The following KCNH1 variants were observed in gnomAD, a reference collection of about 807,000 sequenced individuals.
KCNH1 encodes voltage-gated delayed rectifier potassium channel KCNH1.
Under a neutral mutation model 69.2 loss-of-function variants are expected in KCNH1, and 27 were observed. The observed-to-expected ratio is 0.39, with a 90% CI of 0.29 to 0.54. The LOEUF is 0.54. KCNH1 is among the 20% of genes least tolerant of loss of function. The probability of loss-of-function intolerance (pLI) is 0.68; values close to 1 mark genes in which losing one functional copy is unlikely to be tolerated. For synonymous variants in KCNH1, 456 were observed against 487.7 expected (o/e 0.93, Z 0.86); for missense variants, 798 against 1,261.6 (o/e 0.63, Z 5.57).
chr1:210,985,979 C>A (rs961865980), intron 6 of KCNH1, among the ~76,000 whole-genome samples: 1 of 152,174 alleles, frequency 6.6e-6, no homozygotes, highest in East Asian at 1.9e-4. Flanking sequence ...GTATTGGGTG[C>A]ATATATATTT....
intron 5 of KCNH1, among the ~76,000 whole-genome samples, chr1:211,040,271 C>A (rs990606931): frequency 6.6e-6 from 1 of 151,536 alleles, no homozygotes; most frequent in Non-Finnish European, 1.5e-5. Flanking sequence ...AGACTTGGAG[C>A]GGCCAGGAGC....
Position 210,803,794 on chromosome 1 carries a change from G to A in KCNH1, c.1662+173C>T, listed in dbSNP as rs575236800. Among the ~76,000 whole-genome samples, 99 of 152,304 alleles carry A rather than the reference G, an allele frequency of 6.5e-4. 1 individual carries two copies. The highest frequency in any genetic ancestry group is 2.4e-3 in the African/African-American group (99 of 41,562). On this transcript the variant is annotated intron_variant, in intron 8 of 10. Coordinates refer to ENST00000271751, the MANE Select transcript of KCNH1 (RefSeq NM_172362.3). ...ATGATGTTTTATTGTTGGTCTTTGAGTAAGGCTGATCTAGAAGCAAACAAG... is the reference window on the plus strand; with the variant it reads ...ATGATGTTTTATTGTTGGTCTTTGAATAAGGCTGATCTAGAAGCAAACAAG...
At chr1:211,003,576 T>G (rs912509440) in intron 6 of KCNH1, among the ~76,000 whole-genome samples, 1 of 152,080 alleles carries the variant, frequency 6.6e-6, no homozygotes, top group Non-Finnish European at 1.5e-5. Context: ...TTATCTATTA[T>G]CTACGAGGTC....
chr1:211,028,530 T>C (rs900522265), intron 5 of KCNH1, among the ~76,000 whole-genome samples: 3 of 151,336 alleles, frequency 2.0e-5, no homozygotes, highest in Non-Finnish European at 4.4e-5. Context: ...TAACATAAAA[T>C]AACATCAACA....
intron 10 of KCNH1, among the ~76,000 whole-genome samples, chr1:210,741,191 T>A (rs1347081621): frequency 1.3e-5 from 2 of 152,210 alleles, no homozygotes; most frequent in African/African-American, 4.8e-5. Flanking sequence ...TGCCGTCACA[T>A]GATCCATGAT....
rs147641577 is a variant in KCNH1, at chr1:210,997,288, T to C, written c.1032+21495A>G. 3.3e-5 allele frequency among the ~76,000 whole-genome samples: 5 copies of C among 151,956 alleles called. No homozygotes were observed. The East Asian group carries it at 9.7e-4, about 29-fold the overall frequency. On this transcript the variant is annotated intron_variant, in intron 6 of 10. Coordinates refer to ENST00000271751, the MANE Select transcript of KCNH1 (RefSeq NM_172362.3). ...AAAAAAAATTAGACGAATGGAAAAC[T>C]AGAATAACCAACGCAGAGAAGTCCT...
chr1:210,720,865 C>G (rs1225317639), intron 10 of KCNH1, among the ~76,000 whole-genome samples: 2 of 152,134 alleles, frequency 1.3e-5, no homozygotes, highest in Non-Finnish European at 2.9e-5. Context: ...GGCCTCCTCA[C>G]AGGGTAGTGG....
intron 7 of KCNH1, among the ~76,000 whole-genome samples, chr1:210,877,262 A>C (rs1298981864): frequency 2.0e-5 from 3 of 152,118 alleles, no homozygotes; most frequent in Non-Finnish European, 4.4e-5. Flanking sequence ...GCAGGGACGT[A>C]AGTGGAAGGT....
At chr1:210,939,631 T>G (rs1687843093) in intron 6 of KCNH1, among the ~76,000 whole-genome samples, 1 of 152,186 alleles carries the variant, frequency 6.6e-6, no homozygotes, top group Non-Finnish European at 1.5e-5. Flanking sequence ...ACAGAAGGCA[T>G]TTTACATGCA....
chr1:210,909,169 A>G (rs1167023163), intron 7 of KCNH1, among the ~76,000 whole-genome samples: 1 of 152,238 alleles, frequency 6.6e-6, no homozygotes, highest in Non-Finnish European at 1.5e-5. Context: ...AGTTGGCCCT[A>G]ACAGCTTCTC....
chr1:210,741,073 TG>T, intron 10 of KCNH1, among the ~76,000 whole-genome samples: 1 of 152,290 alleles, frequency 6.6e-6, no homozygotes, highest in South Asian at 2.1e-4. Flanking sequence ...GGGAGACACA[TG>T]CTCATTTAAA....
intron 5 of KCNH1, among the ~76,000 whole-genome samples, chr1:211,034,230 A>G (rs1689853601): frequency 6.6e-6 from 1 of 152,174 alleles, no homozygotes; most frequent in African/African-American, 2.4e-5. Context: ...GCTTCTATAT[A>G]TATCATAGAG....
intron 6 of KCNH1, among the ~76,000 whole-genome samples, chr1:210,970,192 C>T (rs1558546954): frequency 6.6e-6 from 1 of 151,914 alleles, no homozygotes; most frequent in Non-Finnish European, 1.5e-5. Flanking sequence ...TGGTTTGCTG[C>T]ACCTATTAAC....
At chr1:211,121,455 G>T (rs749854647) in intron 1 of KCNH1, among the ~76,000 whole-genome samples, 2 of 152,148 alleles carry the variant, frequency 1.3e-5, no homozygotes, top group Non-Finnish European at 2.9e-5. Context: ...AGTAAATGGT[G>T]CTGGGAAAAC....
intron 5 of KCNH1, among the ~76,000 whole-genome samples, chr1:211,079,331 T>C (rs540125587): frequency 6.6e-6 from 1 of 152,276 alleles, no homozygotes; most frequent in South Asian, 2.1e-4. Flanking sequence ...ATTAATAGCC[T>C]ACCAACCAAA....
intron 1 of KCNH1, among the ~76,000 whole-genome samples, chr1:211,110,751 C>A (rs1387519939): frequency 6.6e-6 from 1 of 151,798 alleles, no homozygotes; most frequent in Admixed American, 6.6e-5. Context: ...CTTAAAGTTG[C>A]AAAGATAAAT....
At chr1:211,054,402 A>G (rs1690266141) in intron 5 of KCNH1, among the ~76,000 whole-genome samples, 1 of 152,208 alleles carries the variant, frequency 6.6e-6, no homozygotes, top group South Asian at 2.1e-4. Flanking sequence ...AGAAATGAAA[A>G]GACTAAAAGA....
intron 10 of KCNH1, among the ~76,000 whole-genome samples, chr1:210,749,762 A>G (rs7532804): frequency 0.29 from 25,170 of 86,264 alleles, 2,947 homozygotes; most frequent in Non-Finnish European, 0.35. Context: ...TTTTTTTTTG[A>G]GATGGAGCCT....
In KCNH1 at chr1:211,090,681, A is replaced by G; in HGVS notation, c.320T>C (p.Val107Ala). The change falls in exon 4 of 11, where the codon GTG (valine) becomes GCG (alanine). Residue 107 changes from valine (V) to alanine (A), a missense_variant. This residue lies in a region of KCNH1 where 266 missense variants were observed against 457.2 expected (regional missense o/e 0.58). Coordinates refer to ENST00000271751, the MANE Select transcript of KCNH1 (RefSeq NM_172362.3). ...ILMYKKNRTP[V>A]WFFVKIAPIR... ...TGGAGCAATTTTCACAAAGAACCAC[A>G]CAGGTGTCCCTGAAAGGAATATCAA... 6.2e-7 allele frequency: 1 copy of G among 1,604,370 alleles called. No homozygotes were observed. The highest frequency in any genetic ancestry group is 8.5e-7 in the Non-Finnish European group (1 of 1,178,088).
Sources: allele counts gnomAD v4.1 joint callset (sites outside exome capture counted in the v4.1 genomes callset), GRCh38; gene constraint gnomAD v4.1.1; regional missense constraint gnomAD v4.1.1; transcripts MANE v1.5; gene names NCBI Gene and HGNC (gene_info 2026-07-23, HGNC 2026-07-21).